KCNJ6: variants seen among roughly 807,000 people sequenced by gnomAD.
KCNJ6 encodes the protein G protein-activated inward rectifier potassium channel 2.
Under a neutral mutation model 34.2 loss-of-function variants are expected in KCNJ6, and 9 were observed. The ratio of observed to expected loss-of-function variants is 0.26; its 90% confidence interval spans 0.16 to 0.46. The LOEUF (loss-of-function observed/expected upper bound fraction) is 0.46, where lower values mean the gene tolerates loss of function less well. Among genes scored for constraint, KCNJ6 ranks in the 20% least tolerant of loss-of-function variants. KCNJ6 has a pLI of 1.00. For synonymous variants in KCNJ6, 196 were observed against 207.1 expected (o/e 0.95, Z 0.46); for missense variants, 236 against 531.3 (o/e 0.44, Z 5.46).
intron 3 of KCNJ6, among the ~76,000 whole-genome samples, chr21:37,694,905 T>C (rs2054657442): frequency 6.6e-6 from 1 of 152,032 alleles, no homozygotes; most frequent in Admixed American, 6.5e-5. Context: ...GAAGATAGAG[T>C]GGGAAGGCCT....
intron 3 of KCNJ6, among the ~76,000 whole-genome samples, chr21:37,698,152 C>A (rs1475965300): frequency 6.6e-6 from 1 of 152,234 alleles, no homozygotes; most frequent in Non-Finnish European, 1.5e-5. Context: ...TGCTTTTGAA[C>A]AGAAGTTCAA....
chr21:37,753,006 A>T (rs1385218511), intron 2 of KCNJ6, among the ~76,000 whole-genome samples: 1 of 152,194 alleles, frequency 6.6e-6, no homozygotes, highest in Non-Finnish European at 1.5e-5. Context: ...GGCTGCCAAG[A>T]GTAAGAAGTG....
intron 1 of KCNJ6, among the ~76,000 whole-genome samples, chr21:37,889,632 C>G (rs889862227): frequency 6.6e-6 from 1 of 152,202 alleles, no homozygotes; most frequent in African/African-American, 2.4e-5. Flanking sequence ...ATCAAGGTGT[C>G]TGCAGGGCCA....
intron 3 of KCNJ6, among the ~76,000 whole-genome samples, chr21:37,645,207 C>T (rs1168431386): frequency 6.6e-6 from 1 of 151,850 alleles, no homozygotes; most frequent in African/African-American, 2.4e-5. Flanking sequence ...GACCTTGTCT[C>T]TACATAAAAT....
intron 2 of KCNJ6, among the ~76,000 whole-genome samples, chr21:37,787,780 TAGAA>T (rs2055199135): frequency 6.6e-6 from 1 of 152,204 alleles, no homozygotes; most frequent in African/African-American, 2.4e-5. Context: ...GAAATGGAGT[TAGAA>T]AGAACTGGAA....
At chr21:37,730,617 T>C (rs1328132891) in intron 2 of KCNJ6, among the ~76,000 whole-genome samples, 2 of 152,188 alleles carry the variant, frequency 1.3e-5, no homozygotes, top group African/African-American at 4.8e-5. Context: ...TCCTGGAAAC[T>C]GTGGGAAATC....
At chr21:37,889,993 T>A (rs370338673) in intron 1 of KCNJ6, among the ~76,000 whole-genome samples, 1 of 152,312 alleles carries the variant, frequency 6.6e-6, no homozygotes, top group East Asian at 1.9e-4. Context: ...ACAAATTCAT[T>A]TTTTTTCTTC....
chr21:37,823,421 G>C (rs1475492513), intron 2 of KCNJ6, among the ~76,000 whole-genome samples: 2 of 152,136 alleles, frequency 1.3e-5, no homozygotes, highest in Non-Finnish European at 2.9e-5. Flanking sequence ...GTTTGGCTTT[G>C]TGTCCCCACC....
chr21:37,608,867 C>T lies in KCNJ6; in HGVS notation c.*16292G>A, dbSNP rs969049846. On this transcript the variant is annotated 3_prime_UTR_variant, in exon 4 of 4. Coordinates refer to ENST00000609713, the MANE Select transcript of KCNJ6 (RefSeq NM_002240.5). ...TGAGTGCTCATGGCCAGCACTCAGG[C>T]AAGTGAATACACATTTGGAGTAATA... 6.6e-6 allele frequency: 1 copy of T among 152,146 alleles called. No individual in the cohort carries two copies. The highest frequency in any genetic ancestry group is 1.5e-5 in the Non-Finnish European group (1 of 68,044). The allele number at this position is 152,146 out of a possible 1,614,324, so 9.4% of individuals were successfully genotyped here. A position where few individuals can be genotyped will look rare whatever the true frequency, so the allele number is the denominator to read the frequency against.
intron 3 of KCNJ6, among the ~76,000 whole-genome samples, chr21:37,680,062 C>CT (rs1395562596): frequency 6.6e-6 from 1 of 152,116 alleles, no homozygotes; most frequent in Non-Finnish European, 1.5e-5. Flanking sequence ...CAAATCATGC[C>CT]TTTTTTCCTG....
intron 1 of KCNJ6, among the ~76,000 whole-genome samples, chr21:37,868,282 G>A (rs558277384): frequency 6.6e-6 from 1 of 152,294 alleles, no homozygotes; most frequent in Non-Finnish European, 1.5e-5. Flanking sequence ...AGGGCAAGTT[G>A]TATGAGATCT....
intron 2 of KCNJ6, among the ~76,000 whole-genome samples, chr21:37,787,488 C>T (rs531933734): frequency 2.0e-4 from 30 of 152,220 alleles, no homozygotes; most frequent in African/African-American, 7.2e-4. Flanking sequence ...AGGCAAGAAA[C>T]CTTATTTTCT....
chr21:37,851,748 T>C (rs2055538569), intron 1 of KCNJ6, among the ~76,000 whole-genome samples: 1 of 152,164 alleles, frequency 6.6e-6, no homozygotes, highest in Non-Finnish European at 1.5e-5. Flanking sequence ...ATTGATTTTT[T>C]TTTTCCTATT....
At chr21:37,862,243 A>T (rs1239647533) in intron 1 of KCNJ6, among the ~76,000 whole-genome samples, 1 of 152,214 alleles carries the variant, frequency 6.6e-6, no homozygotes, top group African/African-American at 2.4e-5. Context: ...TTGTGTGTGA[A>T]TTTTAAGTCC....
At chr21:37,753,502 G>T (rs1481352044) in intron 2 of KCNJ6, among the ~76,000 whole-genome samples, 1 of 149,804 alleles carries the variant, frequency 6.7e-6, no homozygotes, top group Non-Finnish European at 1.5e-5. Flanking sequence ...AAATAGAAAC[G>T]GAGAGCTGAA....
At chr21:37,793,919 G>T (rs771292388) in intron 2 of KCNJ6, among the ~76,000 whole-genome samples, 31 of 152,240 alleles carry the variant, frequency 2.0e-4, no homozygotes, top group Non-Finnish European at 4.0e-4. Flanking sequence ...ACACAGGCAT[G>T]ATGAAAGTAA....
chr21:37,773,086 GTGT>G (rs2055125019), intron 2 of KCNJ6, among the ~76,000 whole-genome samples: 1 of 152,178 alleles, frequency 6.6e-6, no homozygotes, highest in South Asian at 2.1e-4. Context: ...TATCACTGGG[GTGT>G]TGTTATACTG....
At chr21:37,785,898 C>T (rs2055190460) in intron 2 of KCNJ6, among the ~76,000 whole-genome samples, 1 of 152,222 alleles carries the variant, frequency 6.6e-6, no homozygotes, top group African/African-American at 2.4e-5. Context: ...CCTCTTCTAC[C>T]ATTTGAGGAC....
intron 1 of KCNJ6, among the ~76,000 whole-genome samples, chr21:37,846,788 A>G (rs1003631890): frequency 2.0e-5 from 3 of 152,184 alleles, no homozygotes; most frequent in Non-Finnish European, 4.4e-5. Context: ...AGTATCCTCA[A>G]CAGGGCCTCA....
Sources: gnomAD v4.1 joint callset for allele counts (sites outside exome capture counted in the v4.1 genomes callset) on GRCh38, gnomAD v4.1.1 for gene constraint, MANE v1.5 for transcripts, NCBI Gene and HGNC (gene_info 2026-07-23, HGNC 2026-07-21) for gene names.